EYS: variants seen among roughly 807,000 people sequenced by gnomAD.
The protein encoded by EYS is EGF-like photoreceptor maintenance factor.
In EYS, 250 loss-of-function variants were observed where a neutral mutation model predicts 282.1. That is an observed-to-expected ratio of 0.89 (90% CI 0.80 to 0.98). The LOEUF (loss-of-function observed/expected upper bound fraction) is 0.98. Among genes scored for constraint, EYS ranks in the 50% least tolerant of loss-of-function variants. The pLI, the probability that EYS is intolerant of heterozygous loss-of-function variation, is 0.00. For missense variants in EYS, 4,016 were observed against 3,709.0 expected (o/e 1.08, Z -2.15); for synonymous variants, 1,355 against 1,282.9 (o/e 1.06, Z -1.20).
intron 13 of EYS, among the ~76,000 whole-genome samples, chr6:64,998,838 A>G (rs1771362370): frequency 6.6e-6 from 1 of 152,222 alleles, no homozygotes; most frequent in African/African-American, 2.4e-5. Context: ...GACATTGTGG[A>G]GTGTCATCAA....
rs890602283 is a variant in EYS at position 64,400,341 on chromosome 6, C to A, written c.5928-11501G>T. 8 of 152,078 alleles carry A rather than the reference C, an allele frequency of 5.3e-5. No homozygotes were observed. In the East Asian group the frequency reaches 1.2e-3, roughly 22 times the overall value. 9.4% of individuals were successfully genotyped at this position (152,078 alleles called of 1,614,324 possible). A position where few individuals can be genotyped will look rare whatever the true frequency, so the allele number is the denominator to read the frequency against. Reference sequence around the variant, plus strand: ...ATATTATCTTATCTGAAATAAATTACCCATTGTAAATGAATACAAGGATGG... The same window carrying A: ...ATATTATCTTATCTGAAATAAATTAACCATTGTAAATGAATACAAGGATGG... On this transcript the variant is annotated intron_variant, in intron 28 of 42. Coordinates refer to ENST00000503581, the MANE Select transcript of EYS (RefSeq NM_001142800.2).
At chr6:65,249,233 C>T (rs1258342810) in intron 12 of EYS, among the ~76,000 whole-genome samples, 1 of 151,890 alleles carries the variant, frequency 6.6e-6, no homozygotes, top group Non-Finnish European at 1.5e-5. Context: ...CACCAACCCC[C>T]AAAAGCTCAA....
chr6:65,335,124 C>A lies in EYS; in HGVS notation c.1622G>T (p.Cys541Phe). The A allele has an allele frequency of 6.2e-7, 1 of 1,611,230 alleles. No homozygotes were observed. The highest frequency in any genetic ancestry group is 8.5e-7 in the Non-Finnish European group (1 of 1,178,398). ...TKEICANGCS[C>F]LSEEDSQEYR... ...TTCCTGACTGTCTTCTTCACTCAAACAACTGCATCCATTTGCACAAATCTA... is the reference window on the plus strand; with the variant it reads ...TTCCTGACTGTCTTCTTCACTCAAAAAACTGCATCCATTTGCACAAATCTA... Residue 541 changes from cysteine (C) to phenylalanine (F), a missense_variant, in exon 11 of 43, where the codon TGT becomes TTT. Physicochemically the swap from Cys to Phe is radical, Grantham distance 205 (BLOSUM62 -2). Transcript: ENST00000503581.
intron 40 of EYS, among the ~76,000 whole-genome samples, chr6:63,772,807 T>C (rs1769964992): frequency 6.6e-6 from 1 of 152,166 alleles, no homozygotes; most frequent in Admixed American, 6.5e-5. Context: ...TTTATCCTTT[T>C]ACTACTTCTT....
chr6:63,971,926 T>C (rs557070488), intron 35 of EYS, among the ~76,000 whole-genome samples: 1 of 152,352 alleles, frequency 6.6e-6, no homozygotes, highest in Admixed American at 6.5e-5. Flanking sequence ...ATTCTTGGTA[T>C]TGAAACATAC....
chr6:64,080,208 T>C (rs2149867375), intron 32 of EYS, among the ~76,000 whole-genome samples: 1 of 152,302 alleles, frequency 6.6e-6, no homozygotes, highest in African/African-American at 2.4e-5. Context: ...CTCCACATCC[T>C]CTCCAGTACC....
intron 33 of EYS, among the ~76,000 whole-genome samples, chr6:64,046,180 A>G (rs967849080): frequency 7.2e-4 from 105 of 146,686 alleles, no homozygotes; most frequent in African/African-American, 2.6e-3. Context: ...TATTTTAGAG[A>G]TTTTTAATAT....
chr6:64,326,752 C>T (rs1770435883), intron 29 of EYS, among the ~76,000 whole-genome samples: 1 of 152,106 alleles, frequency 6.6e-6, no homozygotes, highest in South Asian at 2.1e-4. Context: ...AATGGCCCTC[C>T]TGCATTCTGG....
At chr6:64,702,696 A>G (rs1399647824) in intron 22 of EYS, among the ~76,000 whole-genome samples, 1 of 152,148 alleles carries the variant, frequency 6.6e-6, no homozygotes, top group Non-Finnish European at 1.5e-5. Flanking sequence ...CAAGATCAGA[A>G]AGGGTATCCA....
At chr6:65,132,598 G>T (rs1178825509) in intron 12 of EYS, among the ~76,000 whole-genome samples, 1 of 151,728 alleles carries the variant, frequency 6.6e-6, no homozygotes, top group South Asian at 2.1e-4. Context: ...CCCACAGCCA[G>T]CATCATACTA....
intron 26 of EYS, among the ~76,000 whole-genome samples, chr6:64,549,916 G>A (rs751643509): frequency 8.8e-4 from 133 of 151,910 alleles, no homozygotes; most frequent in Admixed American, 1.2e-3. Flanking sequence ...GCCCTGGTGT[G>A]TGATGTTCCC....
At chr6:64,892,215 C>G in intron 18 of EYS, among the ~76,000 whole-genome samples, 1 of 151,812 alleles carries the variant, frequency 6.6e-6, no homozygotes, top group East Asian at 1.9e-4. Flanking sequence ...TTCTTATATA[C>G]TTTTTCTTGT....
intron 5 of EYS, among the ~76,000 whole-genome samples, chr6:65,432,880 G>A (rs1767937527): frequency 6.6e-6 from 1 of 151,884 alleles, no homozygotes; most frequent in Non-Finnish European, 1.5e-5. Context: ...GAGGGATTAA[G>A]TAAGAATGTA....
intron 29 of EYS, among the ~76,000 whole-genome samples, chr6:64,324,776 T>A (rs1415775607): frequency 6.6e-6 from 1 of 152,172 alleles, no homozygotes; most frequent in Non-Finnish European, 1.5e-5. Flanking sequence ...GATTTCAGGA[T>A]ACAAAATCAA....
chr6:65,499,244 T>A (rs1362573392), intron 2 of EYS, among the ~76,000 whole-genome samples: 2 of 151,942 alleles, frequency 1.3e-5, no homozygotes, highest in Admixed American at 6.6e-5. Flanking sequence ...TTACATCTTT[T>A]AAAAAAACAA....
chr6:65,451,620 T>G (rs893664056), intron 5 of EYS, among the ~76,000 whole-genome samples: 38 of 152,136 alleles, frequency 2.5e-4, no homozygotes, highest in Admixed American at 2.4e-3. Context: ...TAACTTGGAT[T>G]TGTCATTAGC....
intron 4 of EYS, among the ~76,000 whole-genome samples, chr6:65,492,268 T>C (rs1582372484): frequency 6.6e-6 from 1 of 151,142 alleles, no homozygotes; most frequent in South Asian, 2.1e-4. Flanking sequence ...TGCTCAAAGC[T>C]TAACGATTTA....
At chr6:64,283,231 C>A (rs909790762) in intron 30 of EYS, among the ~76,000 whole-genome samples, 1 of 152,018 alleles carries the variant, frequency 6.6e-6, no homozygotes, top group African/African-American at 2.4e-5. Context: ...TTTAAAGCAC[C>A]ACTTCTTCAG....
intron 30 of EYS, among the ~76,000 whole-genome samples, chr6:64,298,841 A>G (rs1031221978): frequency 2.0e-5 from 3 of 152,208 alleles, no homozygotes; most frequent in Non-Finnish European, 4.4e-5. Flanking sequence ...ATGGAAAAAA[A>G]TAAATATTAT....
Sources: allele counts gnomAD v4.1 joint callset (sites outside exome capture counted in the v4.1 genomes callset), GRCh38; gene constraint gnomAD v4.1.1; transcripts MANE v1.5; gene names NCBI Gene and HGNC (gene_info 2026-07-23, HGNC 2026-07-21).